Variants in ZNF138 observed in about 807,000 individuals in gnomAD.
The protein encoded by ZNF138 is zinc finger protein 138.
Under a neutral mutation model 33.0 loss-of-function variants are expected in ZNF138, and 33 were observed. The observed-to-expected ratio is 1.00, with a 90% CI of 0.76 to 1.34. The LOEUF (loss-of-function observed/expected upper bound fraction) is 1.34, where lower values mean the gene tolerates loss of function less well. ZNF138 is among the 40% of genes most tolerant of loss of function. The probability of loss-of-function intolerance (pLI) is 0.00; values close to 1 mark genes in which losing one functional copy is unlikely to be tolerated. For missense variants in ZNF138, 360 were observed against 370.8 expected, an observed-to-expected ratio of 0.97 and a Z score of 0.24; for synonymous variants, 139 against 120.4, an observed-to-expected ratio of 1.15 and a Z score of -1.01.
At chr7:64,794,648 A>G in intron 1 of ZNF138, 77 bp downstream of exon 1, 1 of 1,601,990 alleles carries the variant, frequency 6.2e-7, no homozygotes, top group Non-Finnish European at 8.5e-7. Context: ...CTGTGGCAGT[A>G]CTCGGGTCTT....
At chr7:64,794,686 C>T in intron 1 of ZNF138, 115 bp downstream of exon 1, 1 of 1,506,688 alleles carries the variant, frequency 6.6e-7, no homozygotes, top group Non-Finnish European at 9.1e-7. Flanking sequence ...AATCCGCGGC[C>T]CCGAGTTCTT....
At chr7:64,839,426 G>A in the ZNF138 span, among the ~76,000 whole-genome samples, 2 of 152,116 alleles carry the variant, frequency 1.3e-5, no homozygotes, top group South Asian at 2.1e-4. Context: ...AGCTCCTGGA[G>A]CCTCGGATCG....
At chr7:64,844,602 AT>A in the ZNF138 span, among the ~76,000 whole-genome samples, 1 of 4,024 alleles carries the variant, frequency 2.5e-4, no homozygotes, top group African/African-American at 4.7e-4. Flanking sequence ...TTAATTTTTT[AT>A]TTTTTTTTAA....
chr7:64,843,831 A>T, the ZNF138 span, among the ~76,000 whole-genome samples: 274 of 150,462 alleles, frequency 1.8e-3, 1 homozygote, highest in African/African-American at 6.0e-3. Flanking sequence ...TATTTTTTTT[A>T]TTTTTTTGTT....
At chr7:64,826,262 C>A (rs193211817) in intron 3 of ZNF138, among the ~76,000 whole-genome samples, 1 of 151,590 alleles carries the variant, frequency 6.6e-6, no homozygotes, top group African/African-American at 2.4e-5. Flanking sequence ...TGTGTAGTGA[C>A]GTGCTTTGAT....
At position 64,811,131 on chromosome 7, in the gene ZNF138, T is replaced by A. The variant is rs181534460; in HGVS notation, c.4-3787T>A. On this transcript the variant is annotated intron_variant, in intron 1 of 3. Coordinates refer to ENST00000307355, the MANE Select transcript of ZNF138 (RefSeq NM_001271639.2). ...TTTAGCTTTAATTCTATACATTTTT[T>A]AAAAAAATCAGTGACAGAGAAACAA... Among the ~76,000 whole-genome samples, 471 of 152,252 alleles carry A rather than the reference T, an allele frequency of 3.1e-3. 1 individual carries two copies. The highest frequency in any genetic ancestry group is 3.0e-3 in the Non-Finnish European group (206 of 68,006).
chr7:64,825,325 A>G (rs1789500173), intron 3 of ZNF138, among the ~76,000 whole-genome samples: 1 of 149,190 alleles, frequency 6.7e-6, no homozygotes, highest in South Asian at 2.1e-4. Flanking sequence ...GGCGCCCGCC[A>G]ACAGGGCCGG....
At chr7:64,800,776 A>G (rs1184510375) in intron 1 of ZNF138, among the ~76,000 whole-genome samples, 1 of 151,892 alleles carries the variant, frequency 6.6e-6, no homozygotes, top group Non-Finnish European at 1.5e-5. Flanking sequence ...TTTTTTTTAT[A>G]CATCTTGTAG....
chr7:64,843,274 C>T, the ZNF138 span, among the ~76,000 whole-genome samples: 6 of 152,228 alleles, frequency 3.9e-5, no homozygotes, highest in East Asian at 1.2e-3. Flanking sequence ...TTGTAAAAAA[C>T]AGGCACATGT....
At chr7:64,847,340 T>A in the ZNF138 span, among the ~76,000 whole-genome samples, 185 of 104,240 alleles carry the variant, frequency 1.8e-3, no homozygotes, top group Middle Eastern at 0.01. Flanking sequence ...ATATTTTTTT[T>A]TTTTTTTTCT....
chr7:64,828,679 T>G (rs73699509), intron 3 of ZNF138, among the ~76,000 whole-genome samples: 1 of 152,158 alleles, frequency 6.6e-6, no homozygotes, highest in Non-Finnish European at 1.5e-5. Flanking sequence ...CATTCTATTT[T>G]ATTAGTCTAC....
chr7:64,850,312 C>T, the ZNF138 span, among the ~76,000 whole-genome samples: 8 of 152,210 alleles, frequency 5.3e-5, no homozygotes, highest in Admixed American at 4.6e-4. Flanking sequence ...TCTGCCAGGT[C>T]CTGTTGGAGC....
chr7:64,835,535 C>G (rs189082668), downstream of ZNF138: 1 of 151,866 alleles, frequency 6.6e-6, no homozygotes, highest in East Asian at 1.9e-4. Flanking sequence ...GGAGAGGGTC[C>G]TAGGAATGTT....
At chr7:64,805,401 A>AAAC (rs1562890776) in intron 1 of ZNF138, among the ~76,000 whole-genome samples, 1 of 14,478 alleles carries the variant, frequency 6.9e-5, no homozygotes, top group Non-Finnish European at 1.1e-3. Context: ...TCTGTCTCAA[A>AAAC]AAAACAAAAC....
At chr7:64,825,175 TTTTTTTTTTTTTTTTG>T (rs1789478941) in intron 3 of ZNF138, among the ~76,000 whole-genome samples, 1 of 121,964 alleles carries the variant, frequency 8.2e-6, no homozygotes, top group East Asian at 2.4e-4. Flanking sequence ...TTTTTTTTTT[TTTTTTTTTTTTTTTTG>T]AGACGGAGTC....
At chr7:64,815,719 T>A in intron 3 of ZNF138, 66 bp downstream of exon 3, 1 of 1,372,756 alleles carries the variant, frequency 7.3e-7, no homozygotes, top group Non-Finnish European at 1.0e-6. Context: ...AGACCACTCC[T>A]TTAAATGTGA....
rs1176660945 is a variant in ZNF138, at chr7:64,830,256, G to A, written c.209-1195G>A. 3.3e-5 allele frequency among the ~76,000 whole-genome samples: 5 copies of A among 151,794 alleles called. 1 individual carries two copies. The stretch of plus-strand genomic sequence containing the variant: ...GCTTGTTATATAAATATCTTTGTGT[G>A]TATTCTAGTTTGTTGAGCCTTTTCA... On this transcript the variant is annotated intron_variant, in intron 3 of 3. Coordinates refer to ENST00000307355, the MANE Select transcript of ZNF138 (RefSeq NM_001271639.2).
chr7:64,813,487 G>T (rs1788350261), intron 1 of ZNF138, among the ~76,000 whole-genome samples: 1 of 150,288 alleles, frequency 6.7e-6, no homozygotes, highest in African/African-American at 2.5e-5. Flanking sequence ...AGGCTGGAGT[G>T]CAGTGGCGGG....
At chr7:64,834,077 A>G (rs1790295800), downstream of ZNF138, among the ~76,000 whole-genome samples, 1 of 152,226 alleles carries the variant, frequency 6.6e-6, no homozygotes, top group Admixed American at 6.5e-5. Flanking sequence ...GACAAACATT[A>G]GAAACATAAA....
Sources: allele counts gnomAD v4.1 joint callset (sites outside exome capture counted in the v4.1 genomes callset), GRCh38; gene constraint gnomAD v4.1.1; transcripts MANE v1.5; gene names NCBI Gene and HGNC (gene_info 2026-07-23, HGNC 2026-07-21).